The following FCHO2 variants were observed in gnomAD, a reference collection of about 807,000 sequenced individuals.
The protein encoded by FCHO2 is F-BAR domain only protein 2.
FCHO2 carries 43 observed loss-of-function variants against 114.1 expected under a neutral mutation model. That is an observed-to-expected ratio of 0.38 (90% confidence interval 0.30 to 0.49). The LOEUF is 0.49. FCHO2 is among the 20% of genes least tolerant of loss of function. FCHO2 has a pLI of 0.97. For synonymous variants in FCHO2, 293 were observed against 315.2 expected (o/e 0.93, Z 0.75); for missense variants, 807 against 950.4 (o/e 0.85, Z 1.98).
At position 72,968,556 on chromosome 5, in the gene FCHO2, C is replaced by T. The variant is rs748611149; in HGVS notation, c.92C>T (p.Ser31Leu). The T allele has an allele frequency of 1.3e-6, 2 of 1,538,816 alleles. No homozygotes were observed. Among genetic ancestry groups the T allele is most frequent in the East Asian group, 5.0e-5 (2 of 40,378 alleles). The change falls in exon 2 of 26, where the codon TCA (serine) becomes TTA (leucine). Residue 31 changes from serine to leucine, a missense_variant. By Grantham distance (145) the Ser-to-Leu change is moderately radical (BLOSUM62 -2). Transcript: ENST00000430046. Reference protein sequence around the residue: ...LYHNMKHGQISTKELADFVRE... With the variant: ...LYHNMKHGQILTKELADFVRE... ...CATAATATGAAACATGGACAGATAT[C>T]AACAAAAGAACTAGCAGATTTTGTA...
At position 73,019,509 on chromosome 5, in the gene FCHO2, C is replaced by T. The variant is rs184343075; in HGVS notation, c.796+2201C>T. 4.5e-3 allele frequency among the ~76,000 whole-genome samples: 686 copies of T among 152,158 alleles called. 2 individuals are homozygous for T. The highest frequency in any genetic ancestry group is 0.017 in the Middle Eastern group (5 of 292). On this transcript the variant is annotated intron_variant, in intron 8 of 25. Coordinates refer to ENST00000430046, the MANE Select transcript of FCHO2 (RefSeq NM_138782.3). ...TGAGCCAAGATTGCGCCATTGCACT[C>T]CAGCCTGGGTGACAGAGTAAGACTC...
chr5:72,969,793 G>A (rs1752417637), intron 2 of FCHO2, among the ~76,000 whole-genome samples: 1 of 152,090 alleles, frequency 6.6e-6, no homozygotes, highest in Admixed American at 6.6e-5. Context: ...ATGTATAACT[G>A]TCTGATAAAA....
chr5:73,063,856 C>T lies in FCHO2; in HGVS notation c.1361C>T (p.Pro454Leu). The change falls in exon 18 of 26, where the codon CCT becomes CTT. Residue 454 changes from proline (P) to leucine (L), a missense_variant. Coordinates refer to ENST00000430046, the MANE Select transcript of FCHO2 (RefSeq NM_138782.3). ...CCTCAACCAGCCAGGCCCACAACTCCTCTTTCTGTAGGCACCATTGTCCCA... is the reference window on the plus strand; with the variant it reads ...CCTCAACCAGCCAGGCCCACAACTCTTCTTTCTGTAGGCACCATTGTCCCA... ...TSSSSARPTT[P>L]LSVGTIVPPP... 1 of 1,611,794 alleles carries T rather than the reference C, an allele frequency of 6.2e-7. No individual in the cohort carries two copies. The highest frequency in any genetic ancestry group is 8.5e-7 in the Non-Finnish European group (1 of 1,178,710).
In FCHO2 at chr5:73,081,952, C is replaced by T. The variant is rs1205811954; in HGVS notation, c.2150C>T (p.Thr717Met). ...QVVVPVDGGV[T>M]NMQSLPPAIW... ...GTGGTACCAGTGGATGGAGGAGTAACGAACATGCAGTCCCTTCCCCCTGCA... is the reference window on the plus strand; with the variant it reads ...GTGGTACCAGTGGATGGAGGAGTAATGAACATGCAGTCCCTTCCCCCTGCA... The change falls in exon 23 of 26, where the codon ACG (threonine) becomes ATG (methionine). Residue 717 changes from threonine (T) to methionine (M), a missense_variant. By Grantham distance (81) the Thr-to-Met change is moderately conservative (BLOSUM62 -1). Transcript: ENST00000430046. The T allele has an allele frequency of 3.1e-6, 5 of 1,588,288 alleles. No homozygotes were observed. The highest frequency in any genetic ancestry group is 4.6e-5 in the East Asian group (2 of 43,590).
chr5:73,011,781 C>T (rs991001074), intron 6 of FCHO2, among the ~76,000 whole-genome samples: 13 of 152,008 alleles, frequency 8.6e-5, no homozygotes, highest in Non-Finnish European at 1.6e-4. Context: ...CGTGGTGGTA[C>T]GCGCCTGTAA....
intron 2 of FCHO2, among the ~76,000 whole-genome samples, chr5:72,980,025 TAA>T (rs1753115028): frequency 6.6e-6 from 1 of 152,290 alleles, no homozygotes; most frequent in East Asian, 1.9e-4. Flanking sequence ...CTAGTTCTTT[TAA>T]TTGTGATGTT....
intron 11 of FCHO2, among the ~76,000 whole-genome samples, chr5:73,048,206 T>C (rs991919697): frequency 1.3e-5 from 2 of 151,994 alleles, no homozygotes; most frequent in Admixed American, 6.6e-5. Flanking sequence ...TCCCAACACT[T>C]TGGGGGGCCG....
At position 72,983,024 on chromosome 5, in the gene FCHO2, C is replaced by G. The variant is rs1054268672; in HGVS notation, c.126-6403C>G. On this transcript the variant is annotated intron_variant, in intron 2 of 25. Transcript: ENST00000430046. ...CGCTTCCCGGGTTCATGCCATTTTC[C>G]TGCCTCAGCCTCCCGAGTAGCTGGG... is the stretch of plus-strand genomic sequence containing the variant. Among the ~76,000 whole-genome samples the G allele has an allele frequency of 9.2e-5, 14 of 152,072 alleles. No homozygotes were observed. In the East Asian group the frequency reaches 2.5e-3, roughly 27 times the overall value.
intron 8 of FCHO2, among the ~76,000 whole-genome samples, chr5:73,018,282 A>T (rs1160160628): frequency 6.6e-6 from 1 of 152,006 alleles, no homozygotes; most frequent in African/African-American, 2.4e-5. Flanking sequence ...CTTTCTTTTC[A>T]TGTTTTCTCT....
intron 9 of FCHO2, among the ~76,000 whole-genome samples, chr5:73,036,411 T>C (rs973729006): frequency 2.0e-5 from 3 of 152,098 alleles, no homozygotes; most frequent in African/African-American, 7.2e-5. Context: ...TCTCACTCTG[T>C]CACTCAGGGT....
intron 8 of FCHO2, chr5:73,021,278 A>G (rs1169673092): frequency 3.7e-6 from 2 of 535,948 alleles, no homozygotes; most frequent in Non-Finnish European, 7.0e-6. Context: ...CTGAGAACCC[A>G]TCACCACTGG....
chr5:73,064,644 A>G (rs1580190848), intron 18 of FCHO2, among the ~76,000 whole-genome samples: 1 of 152,154 alleles, frequency 6.6e-6, no homozygotes, highest in East Asian at 1.9e-4. Context: ...TGAATGTACA[A>G]GAGTCTTTAT....
At position 72,958,655 on chromosome 5, in the gene FCHO2, A is replaced by C. The variant is rs1333003378; in HGVS notation, c.33+2526A>C. ...TCCTCTAGCTTTTTCCTTCTTTTTC[A>C]GGATTATTTTGACTGCCCTGGGTTC... On this transcript the variant is annotated intron_variant, in intron 1 of 25. Transcript: ENST00000430046. Among the ~76,000 whole-genome samples the C allele has an allele frequency of 3.9e-5, 6 of 152,108 alleles. No homozygotes were observed. The East Asian group carries it at 1.2e-3, about 29-fold the overall frequency.
At chr5:73,009,199 C>A (rs1036439939) in intron 6 of FCHO2, among the ~76,000 whole-genome samples, 7 of 152,240 alleles carry the variant, frequency 4.6e-5, no homozygotes, top group Non-Finnish European at 8.8e-5. Flanking sequence ...TAGAAAGTTG[C>A]AATTTCTGTA....
intron 22 of FCHO2, among the ~76,000 whole-genome samples, chr5:73,081,167 G>T (rs543418276): frequency 2.0e-5 from 3 of 152,160 alleles, no homozygotes; most frequent in African/African-American, 7.2e-5. Context: ...AAAAGAAAAA[G>T]TATAGACTAA....
intron 5 of FCHO2, among the ~76,000 whole-genome samples, chr5:72,991,513 G>T (rs991806985): frequency 1.3e-5 from 2 of 152,206 alleles, no homozygotes; most frequent in Admixed American, 1.3e-4. Context: ...ATACAGGTAG[G>T]TACTTGCACA....
intron 11 of FCHO2, 85 bp downstream of exon 11, chr5:73,041,400 C>A: frequency 2.5e-6 from 2 of 787,146 alleles, no homozygotes; most frequent in South Asian, 1.8e-5. Context: ...TGAGTTGTTA[C>A]CAGTCTTTCA....
At chr5:72,967,961 G>A (rs1752292511) in intron 1 of FCHO2, among the ~76,000 whole-genome samples, 1 of 147,774 alleles carries the variant, frequency 6.8e-6, no homozygotes, top group Admixed American at 6.9e-5. Context: ...GTCTTGCTCT[G>A]TCACCCAGGC....
rs1743414260 is a variant in FCHO2 at position 73,089,424 on chromosome 5, CATTTTA to C, written c.*1338_*1343del. 1 of 152,002 alleles carries C rather than the reference CATTTTA, an allele frequency of 6.6e-6. No homozygotes were observed. The allele number at this position is 152,002 out of a possible 1,614,324, so 9.4% of individuals were successfully genotyped here. On this transcript the variant is annotated 3_prime_UTR_variant, in exon 26 of 26. Coordinates refer to ENST00000430046, the MANE Select transcript of FCHO2 (RefSeq NM_138782.3). ...CAATTGGAAAAATTACCAATTTGTACATTTTAATTATTCAATTTCTACTTTGTAAAA... is the reference window on the plus strand; with the variant it reads ...CAATTGGAAAAATTACCAATTTGTACATTATTCAATTTCTACTTTGTAAAA...
Sources: gnomAD v4.1 joint callset for allele counts (sites outside exome capture counted in the v4.1 genomes callset) on GRCh38, gnomAD v4.1.1 for gene constraint, MANE v1.5 for transcripts, NCBI Gene and HGNC (gene_info 2026-07-23, HGNC 2026-07-21) for gene names.